Variants in EBF3 observed in about 807,000 individuals in gnomAD.
EBF3 encodes the protein EBF transcription factor 3, also known as transcription factor COE3.
A neutral mutation model predicts 77.1 loss-of-function variants in EBF3; 18 were observed. The observed-to-expected ratio is 0.23, with a 90% CI of 0.16 to 0.35. The LOEUF (loss-of-function observed/expected upper bound fraction) is 0.35, where lower values mean the gene tolerates loss of function less well. EBF3 is among the 10% of genes least tolerant of loss of function. The pLI, the probability that EBF3 is intolerant of heterozygous loss-of-function variation, is 1.00. For synonymous variants in EBF3, 350 were observed against 343.5 expected, an observed-to-expected ratio of 1.02 and a Z score of -0.21; for missense variants, 558 against 860.0, an observed-to-expected ratio of 0.65 and a Z score of 4.39.
At chr10:129,914,979 G>C (rs1209911934) in intron 6 of EBF3, among the ~76,000 whole-genome samples, 1 of 152,210 alleles carries the variant, frequency 6.6e-6, no homozygotes, top group African/African-American at 2.4e-5. Flanking sequence ...AACATGCTTT[G>C]CATGGCTGTG....
In EBF3 at chr10:129,863,443, G is replaced by A. The variant is rs1851776336; in HGVS notation, c.1039+3698C>T. 1.3e-5 allele frequency among the ~76,000 whole-genome samples: 2 copies of A among 152,182 alleles called. No homozygotes were observed. Among genetic ancestry groups the A allele is most frequent in the Admixed American group, 1.3e-4 (2 of 15,278 alleles). On this transcript the variant is annotated intron_variant, in intron 10 of 16. Transcript: ENST00000440978. The surrounding 1 kb of genome is among the most constrained non-coding windows in gnomAD (Gnocchi z 4.0). Reference sequence around the variant, plus strand: ...AATAGGGTCTGGTTCAGAAAAATCTGGTGTTTCTCAGATCACTGTAAACAG... The same window carrying A: ...AATAGGGTCTGGTTCAGAAAAATCTAGTGTTTCTCAGATCACTGTAAACAG...
chr10:129,859,617 A>G (rs1851483002), intron 10 of EBF3, among the ~76,000 whole-genome samples: 1 of 152,224 alleles, frequency 6.6e-6, no homozygotes, highest in Non-Finnish European at 1.5e-5. Context: ...GGCTTTTGTA[A>G]TCCAAGCCTC....
intron 10 of EBF3, among the ~76,000 whole-genome samples, chr10:129,856,037 C>T (rs1360807701): frequency 6.6e-6 from 1 of 152,232 alleles, no homozygotes; most frequent in Non-Finnish European, 1.5e-5. Context: ...GGGCCACACT[C>T]CCGTGGGGAC....
chr10:129,868,586 CGCAGAG>C (rs1852192423), intron 8 of EBF3, among the ~76,000 whole-genome samples: 1 of 152,144 alleles, frequency 6.6e-6, no homozygotes, highest in Non-Finnish European at 1.5e-5. Flanking sequence ...CTGCACCGGC[CGCAGAG>C]GCAGCCCTGC....
At chr10:129,895,268 G>A (rs1468092615) in intron 6 of EBF3, among the ~76,000 whole-genome samples, 1 of 152,238 alleles carries the variant, frequency 6.6e-6, no homozygotes. Flanking sequence ...GCTGCTCTTA[G>A]CTCCTGATTG....
At chr10:129,902,503 G>A (rs563503988) in intron 6 of EBF3, among the ~76,000 whole-genome samples, 126 of 152,140 alleles carry the variant, frequency 8.3e-4, no homozygotes, top group African/African-American at 2.9e-3. Flanking sequence ...CAATGGAGCT[G>A]TAACAGCCAT....
rs780153392 is a variant in EBF3 at position 129,963,601 on chromosome 10, G to T, written c.134+34C>A. 2 of 1,263,456 alleles carry T rather than the reference G, an allele frequency of 1.6e-6. No individual in the cohort carries two copies. Among genetic ancestry groups the T allele is most frequent in the African/African-American group, 1.6e-5 (1 of 62,380 alleles). 78.3% of individuals were successfully genotyped at this position (1,263,456 alleles called of 1,614,324 possible). ...GAGGGGGCCGGGCCGGGCCGGGGCCGGGGCCAGGGCGCGCGGGGGCGGCCG... is the reference window on the plus strand; with the variant it reads ...GAGGGGGCCGGGCCGGGCCGGGGCCTGGGCCAGGGCGCGCGGGGGCGGCCG... On this transcript the variant is annotated intron_variant, in intron 1 of 16. Coordinates refer to ENST00000440978, the MANE Select transcript of EBF3 (RefSeq NM_001375380.1). This position sits in a 1 kb window ranked among gnomAD's most constrained non-coding sequence, Gnocchi z 7.1.
intron 6 of EBF3, among the ~76,000 whole-genome samples, chr10:129,937,313 C>T (rs1473754471): frequency 6.6e-6 from 1 of 152,122 alleles, no homozygotes; most frequent in East Asian, 1.9e-4. Flanking sequence ...AGCTAAAGGA[C>T]AGAGGCTCAG....
Position 129,837,969 on chromosome 10 carries a change from C to CAG in EBF3, c.1873-11_1873-10dup. On this transcript the variant is annotated splice_polypyrimidine_tract_variant and intron_variant, in intron 16 of 16. Coordinates refer to ENST00000440978, the MANE Select transcript of EBF3 (RefSeq NM_001375380.1). ...TACCAGCCCAGACATAGCTGCAAGACAGAAGGACAGAGCAGTTACTGCAGG... is the reference window on the plus strand; with the variant it reads ...TACCAGCCCAGACATAGCTGCAAGACAGAGAAGGACAGAGCAGTTACTGCAGG... 1 of 1,614,076 alleles carries CAG rather than the reference C, an allele frequency of 6.2e-7. No homozygotes were observed. The highest frequency in any genetic ancestry group is 8.5e-7 in the Non-Finnish European group (1 of 1,179,986).
intron 6 of EBF3, among the ~76,000 whole-genome samples, chr10:129,886,591 G>T (rs762968200): frequency 6.6e-6 from 1 of 152,168 alleles, no homozygotes; most frequent in African/African-American, 2.4e-5. Context: ...ACGCCACCAG[G>T]CAGCTGTGTT....
At chr10:129,846,455 C>CA (rs1183364624) in intron 11 of EBF3, among the ~76,000 whole-genome samples, 1 of 151,948 alleles carries the variant, frequency 6.6e-6, no homozygotes, top group Non-Finnish European at 1.5e-5. Context: ...TATTGAGACA[C>CA]ACGCTTTACA....
At chr10:129,906,396 T>A (rs1339640079) in intron 6 of EBF3, among the ~76,000 whole-genome samples, 2 of 152,230 alleles carry the variant, frequency 1.3e-5, no homozygotes, top group African/African-American at 2.4e-5. Flanking sequence ...ATAGATCCCA[T>A]TAAACTGCTG....
At chr10:129,908,112 T>G (rs1434229120) in intron 6 of EBF3, among the ~76,000 whole-genome samples, 1 of 152,172 alleles carries the variant, frequency 6.6e-6, no homozygotes, top group Admixed American at 6.5e-5. Context: ...GTGAGGCTCA[T>G]CCCGTCTTGC....
chr10:129,835,485 G>GT lies in EBF3; in HGVS notation c.*2457dup, dbSNP rs1160954304. On this transcript the variant is annotated 3_prime_UTR_variant, in exon 17 of 17. Transcript: ENST00000440978. Reference sequence around the variant, plus strand: ...CTACTTAACCTAAAACACAAACCAAGTGAGGGCATGGGGAAGCTGGCAGGC... The same window carrying GT: ...CTACTTAACCTAAAACACAAACCAAGTTGAGGGCATGGGGAAGCTGGCAGGC... 2 of 152,234 alleles carry GT rather than the reference G, an allele frequency of 1.3e-5. No individual in the cohort carries two copies. The highest frequency in any genetic ancestry group is 2.9e-5 in the Non-Finnish European group (2 of 68,062). The allele number at this position is 152,234 out of a possible 1,614,324, so 9.4% of individuals were successfully genotyped here.
intron 6 of EBF3, among the ~76,000 whole-genome samples, chr10:129,955,019 T>C (rs1858936806): frequency 1.3e-5 from 2 of 152,184 alleles, no homozygotes; most frequent in African/African-American, 4.8e-5. Flanking sequence ...TATTCCTCTT[T>C]CTCTGATTAA....
chr10:129,894,013 G>A (rs1033591179), intron 6 of EBF3, among the ~76,000 whole-genome samples: 2 of 152,304 alleles, frequency 1.3e-5, no homozygotes, highest in Admixed American at 6.5e-5. Flanking sequence ...GGCTGGAGAT[G>A]CAACCCACAG....
chr10:129,890,058 A>G (rs1109955), intron 6 of EBF3, among the ~76,000 whole-genome samples: 60,686 of 148,390 alleles, frequency 0.41, 13,796 homozygotes, highest in African/African-American at 0.63. Context: ...GGGCACACTC[A>G]TGTGCCCGAG....
chr10:129,838,937 G>A (rs560570073), intron 16 of EBF3, 146 bp downstream of exon 16: 14 of 681,118 alleles, frequency 2.1e-5, no homozygotes, highest in East Asian at 1.3e-4. Context: ...GGGCAGGGCC[G>A]CGGCACCTCA....
intron 4 of EBF3, among the ~76,000 whole-genome samples, chr10:129,961,654 T>C (rs1473312515): frequency 6.6e-6 from 1 of 152,106 alleles, no homozygotes; most frequent in Non-Finnish European, 1.5e-5. Flanking sequence ...GAGGTGAAGA[T>C]GGACTAGAGG....
Sources: allele counts gnomAD v4.1 joint callset (sites outside exome capture counted in the v4.1 genomes callset), GRCh38; gene constraint gnomAD v4.1.1; non-coding constraint Gnocchi (gnomAD v3.1); transcripts MANE v1.5; gene names NCBI Gene and HGNC (gene_info 2026-07-23, HGNC 2026-07-21).